FOXO3B: variants seen among roughly 807,000 people sequenced by gnomAD.
The protein encoded by FOXO3B is forkhead box protein O3B.
In FOXO3B, 15 loss-of-function variants were observed where a neutral mutation model predicts 21.9. The observed-to-expected ratio is 0.68, with a 90% CI of 0.46 to 1.05. The LOEUF is 1.05. Among genes scored for constraint, FOXO3B ranks in the 50% least tolerant of loss-of-function variants. FOXO3B has a pLI of 0.00. For synonymous variants in FOXO3B, 135 were observed against 213.6 expected (o/e 0.63, Z 3.21); for missense variants, 293 against 435.5 (o/e 0.67, Z 2.91).
chr17:18,672,437 C>G lies in FOXO3B; in HGVS notation c.745G>C (p.Asp249His). 1 of 1,609,314 alleles carries G rather than the reference C, an allele frequency of 6.2e-7. No individual in the cohort carries two copies. Among genetic ancestry groups the G allele is most frequent in the Non-Finnish European group, 8.5e-7 (1 of 1,177,758 alleles). ...CTCTCGATGGCGCGGGTGATCAGGT[C>G]CGCGTAGGACAGGTTTCCCCAGGCG... ...RNAWGNLSYADLITRAIESSP... is the reference protein window; with the variant it reads ...RNAWGNLSYAHLITRAIESSP... The change falls in exon 4 of 4, where the codon GAC (aspartate) becomes CAC (histidine). Residue 249 changes from aspartate to histidine, a missense_variant. Around this residue, in one of 2 missense-constraint regions of FOXO3B, gnomAD observed 251 missense variants for 404.0 expected, o/e 0.62. Transcript: ENST00000395675. The surrounding 1 kb of genome is among the most constrained non-coding windows in gnomAD (Gnocchi z 4.2).
At position 18,671,121 on chromosome 17, in the gene FOXO3B, A is replaced by G; in HGVS notation, c.*1188T>C. On this transcript the variant is annotated 3_prime_UTR_variant, in exon 4 of 4. Coordinates refer to ENST00000395675, the MANE Select transcript of FOXO3B (RefSeq NM_001368135.1). Reference sequence around the variant, plus strand: ...GTCGCTGGGGAACTTCTCATGGCCCATGACGGGCAGGTTTGCACTAGTTGA... The same window carrying G: ...GTCGCTGGGGAACTTCTCATGGCCCGTGACGGGCAGGTTTGCACTAGTTGA... 1 of 941,702 alleles carries G rather than the reference A, an allele frequency of 1.1e-6. No homozygotes were observed. Among genetic ancestry groups the G allele is most frequent in the Non-Finnish European group, 1.7e-6 (1 of 584,248 alleles). The allele number at this position is 941,702 out of a possible 1,614,324, so 58.3% of individuals were successfully genotyped here.
At chr17:18,673,118 GGCGAGTCCTC>G in intron 3 of FOXO3B, 63 bp from the exon 4 acceptor site, 1 of 1,439,120 alleles carries the variant, frequency 6.9e-7, no homozygotes, top group Non-Finnish European at 9.1e-7. Flanking sequence ...CCCCGTCCTC[GGCGAGTCCTC>G]GCCCGCTGCC....
At chr17:18,676,306 A>C (rs2032480676) in intron 3 of FOXO3B, among the ~76,000 whole-genome samples, 1 of 152,218 alleles carries the variant, frequency 6.6e-6, no homozygotes, top group African/African-American at 2.4e-5. Flanking sequence ...TTTAAGACCT[A>C]CTAATTCTTC....
rs558026797 is a variant in FOXO3B, at chr17:18,672,213, A to G, written c.*96T>C. The G allele has an allele frequency of 4.1e-4, 659 of 1,613,558 alleles. No individual in the cohort carries two copies. Among genetic ancestry groups the G allele is most frequent in the Middle Eastern group, 5.0e-4 (3 of 6,052 alleles). On this transcript the variant is annotated 3_prime_UTR_variant, in exon 4 of 4. Transcript: ENST00000395675. This position sits in a 1 kb window ranked among gnomAD's most constrained non-coding sequence, Gnocchi z 4.2. ...GGGCTTTTCCGCTCTTCCCCCCATC[A>G]GGGTTGATGATCCACCAAGAGCTCT... is the stretch of plus-strand genomic sequence containing the variant.
At position 18,669,928 on chromosome 17, in the gene FOXO3B, C is replaced by CTTTT. The variant is rs573457760; in HGVS notation, c.*2377_*2380dup. Among the ~76,000 whole-genome samples the CTTTT allele has an allele frequency of 6.9e-6, 1 of 145,446 alleles. No homozygotes were observed. The highest frequency in any genetic ancestry group is 1.5e-5 in the Non-Finnish European group (1 of 66,260). On this transcript the variant is annotated 3_prime_UTR_variant, in exon 4 of 4. Transcript: ENST00000395675. ...ATTTGTTCTGCAAAGCAAAACAGGACTTTTTTTTTTTTTCCTTTTCTTTCT... is the reference window on the plus strand; with the variant it reads ...ATTTGTTCTGCAAAGCAAAACAGGACTTTTTTTTTTTTTTTTTCCTTTTCTTTCT...
rs747336272 is a variant in FOXO3B, at chr17:18,680,808, G to A, written c.59C>T (p.Pro20Leu). The A allele has an allele frequency of 6.2e-7, 1 of 1,610,590 alleles. No individual in the cohort carries two copies. Among genetic ancestry groups the A allele is most frequent in the South Asian group, 1.1e-5 (1 of 90,850 alleles). ...EKGVLSSQDS[P>L]HFQEKSTEEG... Reference sequence around the variant, plus strand: ...TTCTGTGCTCTTCTCTTGGAAATGGGGAGAATCCTGGGAAGACAGAACTAA... The same window carrying A: ...TTCTGTGCTCTTCTCTTGGAAATGGAGAGAATCCTGGGAAGACAGAACTAA... Residue 20 changes from proline to leucine, a missense_variant, in exon 3 of 4, where the codon CCC (proline) becomes CTC (leucine). Coordinates refer to ENST00000395675, the MANE Select transcript of FOXO3B (RefSeq NM_001368135.1).
intron 3 of FOXO3B, among the ~76,000 whole-genome samples, chr17:18,674,116 T>C (rs999374433): frequency 5.9e-5 from 9 of 151,920 alleles, no homozygotes; most frequent in African/African-American, 2.2e-4. Flanking sequence ...ATAGTTAAGA[T>C]GTTGAGAACA....
intron 3 of FOXO3B, among the ~76,000 whole-genome samples, chr17:18,676,050 G>A (rs2032477397): frequency 6.6e-6 from 1 of 152,100 alleles, no homozygotes; most frequent in African/African-American, 2.4e-5. Context: ...TAAAATACAT[G>A]AAGAACTCCA....
intron 3 of FOXO3B, among the ~76,000 whole-genome samples, chr17:18,674,639 A>AAGGGGG (rs61684359): frequency 8.2e-6 from 1 of 121,408 alleles, no homozygotes; most frequent in African/African-American, 3.5e-5. Context: ...AAAAAAAAAA[A>AAGGGGG]GGGGGGGGGG....
rs2032382474 is a variant in FOXO3B at position 18,672,210 on chromosome 17, A to T, written c.*99T>A. ...GGGGGGCTTTTCCGCTCTTCCCCCC[A>T]TCAGGGTTGATGATCCACCAAGAGC... On this transcript the variant is annotated 3_prime_UTR_variant, in exon 4 of 4. Coordinates refer to ENST00000395675, the MANE Select transcript of FOXO3B (RefSeq NM_001368135.1). This position sits in a 1 kb window ranked among gnomAD's most constrained non-coding sequence, Gnocchi z 4.2. 1 of 1,613,598 alleles carries T rather than the reference A, an allele frequency of 6.2e-7. No homozygotes were observed. The highest frequency in any genetic ancestry group is 1.1e-5 in the South Asian group (1 of 91,058).
At chr17:18,676,937 A>T (rs2032496637) in intron 3 of FOXO3B, among the ~76,000 whole-genome samples, 1 of 152,252 alleles carries the variant, frequency 6.6e-6, no homozygotes, top group African/African-American at 2.4e-5. Context: ...TTCTGACCTC[A>T]GGTGATCCAC....
At chr17:18,673,330 T>G (rs1367443828) in intron 3 of FOXO3B, among the ~76,000 whole-genome samples, 1 of 152,236 alleles carries the variant, frequency 6.6e-6, no homozygotes, top group African/African-American at 2.4e-5. Context: ...CAGGCTGGTC[T>G]CTAACTCCTG....
intron 3 of FOXO3B, among the ~76,000 whole-genome samples, chr17:18,679,163 T>C (rs1463062613): frequency 6.6e-6 from 1 of 152,174 alleles, no homozygotes; most frequent in African/African-American, 2.4e-5. Flanking sequence ...GATTTTTCAG[T>C]TTGTTAGTCA....
In FOXO3B at chr17:18,671,641, A is replaced by G; in HGVS notation, c.*668T>C. The stretch of plus-strand genomic sequence containing the variant: ...GGTCCAAACACCGTGCTGTTAAAGG[A>G]GCTGGTTGGGGAGCTCAGGCCCGAG... On this transcript the variant is annotated 3_prime_UTR_variant, in exon 4 of 4. Transcript: ENST00000395675. The G allele has an allele frequency of 1.9e-6, 3 of 1,613,858 alleles. No homozygotes were observed. The highest frequency in any genetic ancestry group is 2.5e-6 in the Non-Finnish European group (3 of 1,180,026).
At chr17:18,673,097 C>A in intron 3 of FOXO3B, 42 bp from the exon 4 acceptor site, 1 of 1,454,860 alleles carries the variant, frequency 6.9e-7, no homozygotes, top group Non-Finnish European at 9.0e-7. Flanking sequence ...GTTGGTTATC[C>A]CCGGCCGGAG....
chr17:18,670,870 C>A lies in FOXO3B; in HGVS notation c.*1439G>T, dbSNP rs2032351244. 1 of 1,589,822 alleles carries A rather than the reference C, an allele frequency of 6.3e-7. No individual in the cohort carries two copies. Among genetic ancestry groups the A allele is most frequent in the Non-Finnish European group, 8.6e-7 (1 of 1,167,330 alleles). On this transcript the variant is annotated 3_prime_UTR_variant, in exon 4 of 4. Transcript: ENST00000395675. ...GTAGGTCTTGTGTCAGTTTGAGGGTCTGCTTTGCCCACTTCCCCTTCCTCA... is the reference window on the plus strand; with the variant it reads ...GTAGGTCTTGTGTCAGTTTGAGGGTATGCTTTGCCCACTTCCCCTTCCTCA...
intron 3 of FOXO3B, chr17:18,677,270 C>T (rs2032505458): frequency 6.2e-7 from 1 of 1,612,374 alleles, no homozygotes; most frequent in African/African-American, 1.3e-5. Flanking sequence ...AAGGTCTGTT[C>T]CGCATGAAAC....
In FOXO3B at chr17:18,671,710, C is replaced by T; in HGVS notation, c.*599G>A. The T allele has an allele frequency of 1.2e-6, 2 of 1,613,540 alleles. No homozygotes were observed. The highest frequency in any genetic ancestry group is 1.7e-6 in the Non-Finnish European group (2 of 1,179,954). ...AAGCTAGAACTCCGCTGCATGAGTC[C>T]CCCAGTGGGCGATGGCTGGGATGGC... On this transcript the variant is annotated 3_prime_UTR_variant, in exon 4 of 4. Coordinates refer to ENST00000395675, the MANE Select transcript of FOXO3B (RefSeq NM_001368135.1).
Position 18,667,942 on chromosome 17 carries a change from T to G in FOXO3B, c.*4367A>C, listed in dbSNP as rs180943531. Reference sequence around the variant, plus strand: ...CTTGAGGCTAAGCATTCTGCTGATATGCTCCAGATCAGAAAATTATTGTTA... The same window carrying G: ...CTTGAGGCTAAGCATTCTGCTGATAGGCTCCAGATCAGAAAATTATTGTTA... On this transcript the variant is annotated 3_prime_UTR_variant, in exon 4 of 4. Transcript: ENST00000395675. The G allele has an allele frequency of 6.6e-6, 1 of 152,240 alleles. No homozygotes were observed. The highest frequency in any genetic ancestry group is 1.5e-5 in the Non-Finnish European group (1 of 68,052). 9.4% of individuals were successfully genotyped at this position (152,240 alleles called of 1,614,324 possible). A position where few individuals can be genotyped will look rare whatever the true frequency, so the allele number is the denominator to read the frequency against.
Sources: allele counts gnomAD v4.1 joint callset (sites outside exome capture counted in the v4.1 genomes callset), GRCh38; gene constraint gnomAD v4.1.1; regional missense constraint gnomAD v4.1.1; non-coding constraint Gnocchi (gnomAD v3.1); transcripts MANE v1.5; gene names NCBI Gene and HGNC (gene_info 2026-07-23, HGNC 2026-07-21).